AGAP1: variants seen among roughly 807,000 people sequenced by gnomAD.
The protein encoded by AGAP1 is ArfGAP with GTPase domain, ankyrin repeat and PH domain 1, also known as arf-GAP with GTPase, ANK repeat and PH domain-containing protein 1.
AGAP1 carries 29 observed loss-of-function variants against 105.3 expected under a neutral mutation model. That is an observed-to-expected ratio of 0.28 (90% CI 0.21 to 0.38). The LOEUF (loss-of-function observed/expected upper bound fraction) is 0.38. Ranked by LOEUF, AGAP1 falls within the 10% of genes least tolerant of loss-of-function variation. AGAP1 has a pLI of 1.00. For missense variants in AGAP1, 998 were observed against 1,165.1 expected (o/e 0.86, Z 2.09); for synonymous variants, 509 against 485.9 (o/e 1.05, Z -0.63).
intron 1 of AGAP1, among the ~76,000 whole-genome samples, chr2:235,514,522 C>T (rs932717029): frequency 6.6e-6 from 1 of 152,254 alleles, no homozygotes; most frequent in Non-Finnish European, 1.5e-5. Context: ...TCCTGGCAGG[C>T]CACTTCCTCT....
chr2:235,837,635 A>G (rs141538916), intron 9 of AGAP1, among the ~76,000 whole-genome samples: 1 of 152,340 alleles, frequency 6.6e-6, no homozygotes, highest in South Asian at 2.1e-4. Context: ...GGAGTCTACC[A>G]GTAAAGGAGG....
intron 1 of AGAP1, among the ~76,000 whole-genome samples, chr2:235,544,098 A>G (rs1184482273): frequency 6.6e-6 from 1 of 152,228 alleles, no homozygotes; most frequent in East Asian, 1.9e-4. Flanking sequence ...TCGTGGTGAC[A>G]GTTTCATAAG....
At chr2:235,802,978 T>TGG (rs1957607065) in intron 8 of AGAP1, among the ~76,000 whole-genome samples, 1 of 144,600 alleles carries the variant, frequency 6.9e-6, no homozygotes, top group South Asian at 2.2e-4. Context: ...ATGGTTGTGG[T>TGG]TGTGATGGTT....
chr2:235,774,272 T>G (rs1955687118), intron 6 of AGAP1: 1 of 450,710 alleles, frequency 2.2e-6, no homozygotes, highest in Non-Finnish European at 4.5e-6. Context: ...GCCTCCCCTA[T>G]CCACAGCCAT....
chr2:236,107,080 T>A (rs571629808), intron 16 of AGAP1, among the ~76,000 whole-genome samples: 2 of 152,310 alleles, frequency 1.3e-5, no homozygotes, highest in African/African-American at 2.4e-5. Context: ...TTGCAGCAGC[T>A]GCTTTCTGTC....
chr2:235,896,180 C>T (rs1233204545), intron 10 of AGAP1, among the ~76,000 whole-genome samples: 1 of 152,188 alleles, frequency 6.6e-6, no homozygotes, highest in Non-Finnish European at 1.5e-5. Flanking sequence ...CTAGGAACCT[C>T]ATATAAATGA....
chr2:235,912,207 C>G (rs78497809), intron 11 of AGAP1, among the ~76,000 whole-genome samples: 1,793 of 152,334 alleles, frequency 0.012, 33 homozygotes, highest in African/African-American at 0.041. Flanking sequence ...TACGTTCTTT[C>G]TTGCTTAAGA....
At chr2:236,077,582 G>A (rs1232618092) in intron 16 of AGAP1, among the ~76,000 whole-genome samples, 2 of 152,114 alleles carry the variant, frequency 1.3e-5, no homozygotes, top group African/African-American at 4.8e-5. Flanking sequence ...GCCTCCCAAA[G>A]TGCTGGGATT....
At chr2:235,987,139 A>AGG (rs2055348395) in intron 13 of AGAP1, among the ~76,000 whole-genome samples, 3 of 145,178 alleles carry the variant, frequency 2.1e-5, no homozygotes, top group African/African-American at 7.5e-5. Flanking sequence ...TTATTTATTT[A>AGG]TTGGTTGGTA....
At chr2:235,673,394 A>C (rs907424652) in intron 1 of AGAP1, among the ~76,000 whole-genome samples, 5 of 152,212 alleles carry the variant, frequency 3.3e-5, no homozygotes, top group Non-Finnish European at 5.9e-5. Flanking sequence ...GCAAGTCCCC[A>C]AACCACTGGG....
chr2:235,641,809 G>A (rs1410258737), intron 1 of AGAP1, among the ~76,000 whole-genome samples: 2 of 152,162 alleles, frequency 1.3e-5, no homozygotes, highest in Admixed American at 6.5e-5. Context: ...AGTATTCTGT[G>A]TCCTCTCCAG....
At chr2:236,028,801 T>A (rs895596122) in intron 13 of AGAP1, among the ~76,000 whole-genome samples, 3 of 152,192 alleles carry the variant, frequency 2.0e-5, no homozygotes, top group African/African-American at 7.2e-5. Context: ...TTCAAAGGTA[T>A]GTTTCTGACA....
chr2:235,672,106 A>G (rs534427447), intron 1 of AGAP1, among the ~76,000 whole-genome samples: 2 of 152,286 alleles, frequency 1.3e-5, no homozygotes, highest in African/African-American at 4.8e-5. Flanking sequence ...GCTGGTACAG[A>G]TAAAGGTAGT....
intron 6 of AGAP1, among the ~76,000 whole-genome samples, chr2:235,764,545 G>A (rs999139733): frequency 1.3e-4 from 20 of 152,324 alleles, no homozygotes; most frequent in African/African-American, 4.8e-4. Flanking sequence ...TCACTGACAG[G>A]TCACTGCCAC....
At chr2:236,102,269 T>C (rs1013619783) in intron 16 of AGAP1, among the ~76,000 whole-genome samples, 4 of 151,610 alleles carry the variant, frequency 2.6e-5, no homozygotes, top group South Asian at 2.1e-4. Context: ...TACAAAAAAT[T>C]AGCCGGGCGT....
At position 236,073,027 on chromosome 2, in the gene AGAP1, C is replaced by T. The variant is rs372497290; in HGVS notation, c.2114+23746C>T. Among the ~76,000 whole-genome samples the T allele has an allele frequency of 2.6e-5, 4 of 151,346 alleles. No individual in the cohort carries two copies. Among genetic ancestry groups the T allele is most frequent in the Admixed American group, 6.6e-5 (1 of 15,198 alleles). On this transcript the variant is annotated intron_variant, in intron 16 of 17. Coordinates refer to ENST00000304032, the MANE Select transcript of AGAP1 (RefSeq NM_001037131.3). The surrounding 1 kb of genome is among the most constrained non-coding windows in gnomAD (Gnocchi z 5.4). Reference sequence around the variant, plus strand: ...TTTTTTTTTTTTTCCTAGACAGTCTCGCTGTGTCTCCAGGCTGGAGTGCAG... The same window carrying T: ...TTTTTTTTTTTTTCCTAGACAGTCTTGCTGTGTCTCCAGGCTGGAGTGCAG...
At chr2:235,895,767 C>G (rs947057017) in intron 10 of AGAP1, among the ~76,000 whole-genome samples, 1 of 151,654 alleles carries the variant, frequency 6.6e-6, no homozygotes, top group Non-Finnish European at 1.5e-5. Context: ...GCACAATTAG[C>G]CCATATGCTT....
chr2:236,095,194 C>G lies in AGAP1; in HGVS notation c.2115-24998C>G, dbSNP rs777848418. ...GGTGGATTGCTTGAGCTCAGGAGTT[C>G]GAGACCAGCCTGGGAACTGTGGTGA... is the stretch of plus-strand genomic sequence containing the variant. On this transcript the variant is annotated intron_variant, in intron 16 of 17. Transcript: ENST00000304032. This position sits in a 1 kb window ranked among gnomAD's most constrained non-coding sequence, Gnocchi z 4.1. Among the ~76,000 whole-genome samples the G allele has an allele frequency of 6.6e-6, 1 of 151,900 alleles. No individual in the cohort carries two copies. The highest frequency in any genetic ancestry group is 1.5e-5 in the Non-Finnish European group (1 of 67,988).
intron 16 of AGAP1, among the ~76,000 whole-genome samples, chr2:236,094,320 G>A (rs2059138673): frequency 6.6e-6 from 1 of 151,096 alleles, no homozygotes; most frequent in Admixed American, 6.6e-5. Flanking sequence ...CAAATACGAT[G>A]GGTCACCATG....
Sources: gnomAD v4.1 joint callset for allele counts (sites outside exome capture counted in the v4.1 genomes callset) on GRCh38, gnomAD v4.1.1 for gene constraint, Gnocchi (gnomAD v3.1) non-coding constraint, MANE v1.5 for transcripts, NCBI Gene and HGNC (gene_info 2026-07-23, HGNC 2026-07-21) for gene names.